The following DIS3L2 variants were observed in gnomAD, a reference collection of about 807,000 sequenced individuals.
DIS3L2 encodes DIS3 like 3'-5' exoribonuclease 2, also known as DIS3-like exonuclease 2.
A neutral mutation model predicts 97.5 loss-of-function variants in DIS3L2; 34 were observed. The observed-to-expected ratio is 0.35, with a 90% CI of 0.27 to 0.46. The LOEUF (loss-of-function observed/expected upper bound fraction) is 0.46, where lower values mean the gene tolerates loss of function less well. Ranked by LOEUF, DIS3L2 falls within the 20% of genes least tolerant of loss-of-function variation. The pLI is 1.00. For missense variants in DIS3L2, 1,038 were observed against 1,146.0 expected (o/e 0.91, Z 1.36); for synonymous variants, 435 against 445.2 (o/e 0.98, Z 0.29).
At chr2:231,978,566 T>C (rs1242125991) in intron 1 of DIS3L2, 3 of 152,378 alleles carry the variant, frequency 2.0e-5, no homozygotes, top group Non-Finnish European at 4.4e-5. Flanking sequence ...TGTTTCGGTC[T>C]TGTGGAAGTA....
chr2:232,262,350 C>T (rs1693734228), intron 12 of DIS3L2, among the ~76,000 whole-genome samples: 1 of 152,190 alleles, frequency 6.6e-6, no homozygotes. Context: ...AAAAGTAATA[C>T]ATATTTATTA....
In DIS3L2 at chr2:232,209,595, C is replaced by T. The variant is rs570252892; in HGVS notation, c.1125-731C>T. On this transcript the variant is annotated intron_variant, in intron 9 of 20. Coordinates refer to ENST00000325385, the MANE Select transcript of DIS3L2 (RefSeq NM_152383.5). ...AATACCCCAATCTCCAGGCAGTCCT[C>T]GGGCAGGAAAGGCTGGAGGTATGGA... 1.2e-4 allele frequency among the ~76,000 whole-genome samples: 19 copies of T among 152,186 alleles called. No homozygotes were observed. The South Asian group carries it at 1.5e-3, about 12-fold the overall frequency.
intron 10 of DIS3L2, among the ~76,000 whole-genome samples, chr2:232,229,631 A>G (rs904952543): frequency 6.6e-6 from 1 of 152,242 alleles, no homozygotes; most frequent in African/African-American, 2.4e-5. Flanking sequence ...AAAAAGTGGA[A>G]TTTACTACCT....
chr2:232,182,155 A>T (rs1691301502), intron 9 of DIS3L2, among the ~76,000 whole-genome samples: 1 of 152,160 alleles, frequency 6.6e-6, no homozygotes, highest in African/African-American at 2.4e-5. Context: ...ATATCTAAAT[A>T]TTTTAAAATT....
At chr2:232,118,167 G>A (rs1697785220) in intron 6 of DIS3L2, among the ~76,000 whole-genome samples, 7 of 152,190 alleles carry the variant, frequency 4.6e-5, no homozygotes, top group Admixed American at 3.9e-4. Context: ...GATCCAGAGA[G>A]TCAGCTGGCA....
intron 5 of DIS3L2, among the ~76,000 whole-genome samples, chr2:232,054,281 T>G (rs1695487379): frequency 6.6e-6 from 1 of 152,200 alleles, no homozygotes; most frequent in Non-Finnish European, 1.5e-5. Flanking sequence ...GAATATAACA[T>G]AGTGTACTGT....
intron 8 of DIS3L2, among the ~76,000 whole-genome samples, chr2:232,147,265 C>G (rs1690243826): frequency 6.6e-6 from 1 of 152,134 alleles, no homozygotes; most frequent in South Asian, 2.1e-4. Context: ...GCTAGCATGT[C>G]CGGCCCATAA....
chr2:232,305,996 T>C (rs774329973), intron 14 of DIS3L2, among the ~76,000 whole-genome samples: 4 of 152,188 alleles, frequency 2.6e-5, no homozygotes, highest in Non-Finnish European at 5.9e-5. Context: ...GGATTGTGTT[T>C]AGTGGGAGTT....
In DIS3L2 at chr2:232,096,774, T is replaced by A. The variant is rs187575881; in HGVS notation, c.601+9053T>A. ...TCCAGATTTTCTGTTTGATTTTTTTTAATCATTTCAATCTCTTTGGTAATT... is the reference window on the plus strand; with the variant it reads ...TCCAGATTTTCTGTTTGATTTTTTTAAATCATTTCAATCTCTTTGGTAATT... On this transcript the variant is annotated intron_variant, in intron 6 of 20. Coordinates refer to ENST00000325385, the MANE Select transcript of DIS3L2 (RefSeq NM_152383.5). Among the ~76,000 whole-genome samples the A allele has an allele frequency of 6.3e-3, 964 of 152,344 alleles. 1 individual carries two copies. The highest frequency in any genetic ancestry group is 0.024 in the South Asian group (117 of 4,824).
chr2:232,136,835 T>C, intron 8 of DIS3L2, 116 bp downstream of exon 8: 11 of 1,314,080 alleles, frequency 8.4e-6, no homozygotes, highest in Non-Finnish European at 1.1e-5. Flanking sequence ...GCACGGTTTC[T>C]GGTGTATTTT....
intron 10 of DIS3L2, among the ~76,000 whole-genome samples, chr2:232,229,266 GC>G (rs1415372002): frequency 3.3e-5 from 5 of 151,934 alleles, no homozygotes; most frequent in Non-Finnish European, 7.4e-5. Flanking sequence ...CCATCACCTA[GC>G]CCCTGTATCC....
chr2:232,278,635 G>A (rs1422244980), intron 13 of DIS3L2, among the ~76,000 whole-genome samples: 3 of 152,186 alleles, frequency 2.0e-5, no homozygotes, highest in Non-Finnish European at 4.4e-5. Context: ...ATGTTGTTGT[G>A]TGTATCAGTG....
At chr2:232,211,642 ATGGCCTAG>A (rs1692193011) in intron 10 of DIS3L2, among the ~76,000 whole-genome samples, 1 of 152,204 alleles carries the variant, frequency 6.6e-6, no homozygotes, top group Non-Finnish European at 1.5e-5. Flanking sequence ...CCAAGCGTTG[ATGGCCTAG>A]TGGCCTAGTG....
intron 6 of DIS3L2, among the ~76,000 whole-genome samples, chr2:232,114,502 T>C (rs1697641750): frequency 6.6e-6 from 1 of 152,202 alleles, no homozygotes; most frequent in Non-Finnish European, 1.5e-5. Flanking sequence ...TATGTTGATT[T>C]GAGTTTCATA....
intron 14 of DIS3L2, among the ~76,000 whole-genome samples, chr2:232,317,592 A>T (rs763224454): frequency 6.6e-6 from 1 of 151,924 alleles, no homozygotes; most frequent in Non-Finnish European, 1.5e-5. Flanking sequence ...GCCCTCCACC[A>T]CGCCTGGCTA....
chr2:231,962,742 C>G (rs1473721751), intron 1 of DIS3L2, among the ~76,000 whole-genome samples: 1 of 152,040 alleles, frequency 6.6e-6, no homozygotes, highest in Admixed American at 6.6e-5. Flanking sequence ...GCCGACTGTT[C>G]CCATGTTTAT....
chr2:232,213,169 A>AT (rs999221416), intron 10 of DIS3L2, among the ~76,000 whole-genome samples: 10 of 152,016 alleles, frequency 6.6e-5, no homozygotes, highest in Non-Finnish European at 1.3e-4. Flanking sequence ...ATCATAAGTG[A>AT]TTTTTTTTCC....
chr2:232,093,926 G>C (rs928682092), intron 6 of DIS3L2, among the ~76,000 whole-genome samples: 1 of 151,742 alleles, frequency 6.6e-6, no homozygotes, highest in Non-Finnish European at 1.5e-5. Flanking sequence ...TGCTTTTCTA[G>C]TTCTTTAAGA....
At chr2:231,996,143 A>C (rs946040592) in intron 1 of DIS3L2, among the ~76,000 whole-genome samples, 24 of 152,258 alleles carry the variant, frequency 1.6e-4, no homozygotes, top group Admixed American at 4.6e-4. Context: ...GGATTTCACA[A>C]TTAGAATGTC....
Sources: allele counts gnomAD v4.1 joint callset (sites outside exome capture counted in the v4.1 genomes callset), GRCh38; gene constraint gnomAD v4.1.1; transcripts MANE v1.5; gene names NCBI Gene and HGNC (gene_info 2026-07-23, HGNC 2026-07-21).